Variants in MYH13 observed in about 807,000 individuals in gnomAD.
MYH13 encodes myosin-13.
A neutral mutation model predicts 232.1 loss-of-function variants in MYH13; 177 were observed. That is an observed-to-expected ratio of 0.76 (90% CI 0.67 to 0.86). The LOEUF (loss-of-function observed/expected upper bound fraction) is 0.86, where lower values mean the gene tolerates loss of function less well. MYH13 is among the 40% of genes least tolerant of loss of function. The pLI is 0.00. For missense variants in MYH13, 2,246 were observed against 2,405.9 expected (o/e 0.93, Z 1.39); for synonymous variants, 884 against 923.5 (o/e 0.96, Z 0.78).
chr17:10,318,903 C>G lies in MYH13; in HGVS notation c.3625G>C (p.Glu1209Gln), dbSNP rs773375344. 11 of 1,614,030 alleles carry G rather than the reference C, an allele frequency of 6.8e-6. No individual in the cohort carries two copies. In the Admixed American group the frequency reaches 1.5e-4, roughly 22 times the overall value. The change falls in exon 27 of 41, where the codon GAG becomes CAG. Residue 1209 changes from glutamate to glutamine, a missense_variant. Glu to Gln is a conservative substitution (Grantham distance 29). Coordinates refer to ENST00000252172, the MANE Select transcript of MYH13 (RefSeq NM_003802.3). ...KQADSVAELGEQIDNLQRVKQ... is the reference protein window; with the variant it reads ...KQADSVAELGQQIDNLQRVKQ... ...ACCCGCTGCAGGTTGTCAATCTGCT[C>G]CCCAAGCTCGGCCACACTATCTGCT...
chr17:10,319,983 A>G (rs928478163), intron 26 of MYH13, among the ~76,000 whole-genome samples, 170 bp downstream of exon 26: 4 of 152,174 alleles, frequency 2.6e-5, no homozygotes, highest in Admixed American at 2.6e-4. Context: ...TTTATGGGTT[A>G]TTCAGAACAT....
At chr17:10,322,690 G>A (rs553242371) in intron 23 of MYH13, among the ~76,000 whole-genome samples, 1 of 141,528 alleles carries the variant, frequency 7.1e-6, no homozygotes, top group Non-Finnish European at 1.5e-5. Flanking sequence ...CTGGAGTGCA[G>A]TGGCGCAGTC....
At position 10,319,063 on chromosome 17, in the gene MYH13, T is replaced by C. The variant is rs371581937; in HGVS notation, c.3465A>G (p.Glu1155=). Residue 1155 remains glutamate, a synonymous_variant, in exon 27 of 41, where the codon GAA becomes GAG. Coordinates refer to ENST00000252172, the MANE Select transcript of MYH13 (RefSeq NM_003802.3). ...RELEEISERL[E]EASGATSAQI... ...GGGCTGAAGTGGCCCCACTGGCTTC[T>C]TCCAGCCTCTCGCTGATCTCCTCCA... 1.2e-6 allele frequency: 2 copies of C among 1,614,186 alleles called. No individual in the cohort carries two copies. The highest frequency in any genetic ancestry group is 1.7e-6 in the Non-Finnish European group (2 of 1,180,030).
intron 2 of MYH13, among the ~76,000 whole-genome samples, chr17:10,367,328 C>A (rs1450558682): frequency 1.3e-5 from 2 of 152,080 alleles, no homozygotes; most frequent in South Asian, 4.1e-4. Context: ...CTGTCAAATT[C>A]ATTACATTAA....
rs1028029006 is a variant in MYH13 at position 10,310,952 on chromosome 17, G to A, written c.4656+151C>T. 2.0e-5 allele frequency: 18 copies of A among 884,428 alleles called. 1 individual carries two copies. Among genetic ancestry groups the A allele is most frequent in the South Asian group, 7.0e-5 (4 of 57,098 alleles). The allele number at this position is 884,428 out of a possible 1,614,324, so 54.8% of individuals were successfully genotyped here. On this transcript the variant is annotated intron_variant, in intron 33 of 40. Coordinates refer to ENST00000252172, the MANE Select transcript of MYH13 (RefSeq NM_003802.3). ...CGCCTAGGAGATAAAGTAGCAGCCC[G>A]TGGATGTTTCAGCCCCTGGGATGGC...
chr17:10,302,933 A>G (rs947523737), intron 39 of MYH13, among the ~76,000 whole-genome samples: 1 of 151,602 alleles, frequency 6.6e-6, no homozygotes, highest in Admixed American at 6.6e-5. Flanking sequence ...AGGGGGTGTC[A>G]AGTGAGTCAC....
chr17:10,353,363 AATT>A (rs920238415), intron 11 of MYH13, among the ~76,000 whole-genome samples: 2 of 152,188 alleles, frequency 1.3e-5, no homozygotes, highest in African/African-American at 4.8e-5. Flanking sequence ...GTGTTAAAAC[AATT>A]ATTATCAGCT....
rs534874454 is a variant in MYH13, at chr17:10,305,455, T to TA, written c.5466+1003dup. On this transcript the variant is annotated intron_variant, in intron 37 of 40. Transcript: ENST00000252172. Reference sequence around the variant, plus strand: ...GGCCTTGTTGTTTTTAGCACCTCCCTAAAAAAAATCCTTTCACATTTAATG... The same window carrying TA: ...GGCCTTGTTGTTTTTAGCACCTCCCTAAAAAAAAATCCTTTCACATTTAATG... 2.4e-4 allele frequency among the ~76,000 whole-genome samples: 36 copies of TA among 152,194 alleles called. No individual in the cohort carries two copies. The South Asian group carries it at 3.9e-3, about 17-fold the overall frequency.
Position 10,324,234 on chromosome 17 carries a change from G to A in MYH13, c.2722C>T (p.Arg908Trp), listed in dbSNP as rs751366719. The A allele has an allele frequency of 1.1e-5, 18 of 1,613,596 alleles. No individual in the cohort carries two copies. The highest frequency in any genetic ancestry group is 4.0e-5 in the African/African-American group (3 of 74,854). Residue 908 changes from arginine (R) to tryptophan (W), a missense_variant, in exon 23 of 41, where the codon CGG (arginine) becomes TGG (tryptophan). Transcript: ENST00000252172. ...ETENLMDAEE[R>W]CEGLIKSKIL... ...TTGCTTTTGATGAGTCCTTCACACCGTTCCTCAGCGTCCATCAGATTTTCT... is the reference window on the plus strand; with the variant it reads ...TTGCTTTTGATGAGTCCTTCACACCATTCCTCAGCGTCCATCAGATTTTCT...
chr17:10,311,929 C>G lies in MYH13; in HGVS notation c.4513G>C (p.Glu1505Gln), dbSNP rs1193785498. 1 of 1,613,952 alleles carries G rather than the reference C, an allele frequency of 6.2e-7. No homozygotes were observed. The highest frequency in any genetic ancestry group is 1.7e-5 in the Admixed American group (1 of 60,014). The stretch of plus-strand genomic sequence containing the variant: ...AGCTCACCTTGCAGATTTTTGTTCT[C>G]TCGCCTCAGTGTCTCTAACTGGTCC... ...VVDQLETLRR[E>Q]NKNLQEEISD... The change falls in exon 32 of 41, where the codon GAG becomes CAG. Residue 1505 changes from glutamate (E) to glutamine (Q), a missense_variant. Glu to Gln is a conservative substitution (Grantham distance 29). Coordinates refer to ENST00000252172, the MANE Select transcript of MYH13 (RefSeq NM_003802.3).
At chr17:10,370,664 A>C (rs1161872059) in intron 2 of MYH13, among the ~76,000 whole-genome samples, 1 of 152,204 alleles carries the variant, frequency 6.6e-6, no homozygotes, top group Admixed American at 6.5e-5. Context: ...GTGTCTTGTC[A>C]GCAATGATGT....
chr17:10,324,057 T>G lies in MYH13; in HGVS notation c.2899A>C (p.Lys967Gln). 3.1e-6 allele frequency: 5 copies of G among 1,614,026 alleles called. No homozygotes were observed. The highest frequency in any genetic ancestry group is 8.5e-7 in the Non-Finnish European group (1 of 1,179,958). The part of the protein sequence containing the change: ...DIDDLELTLT[K>Q]VEKEKHATEN... ...GTGGCATGCTTCTCCTTTTCAACTT[T>G]CGTCAAGGTCAGCTCCAGGTCATCA... Residue 967 changes from lysine to glutamine, a missense_variant, in exon 23 of 41, where the codon AAA becomes CAA. Coordinates refer to ENST00000252172, the MANE Select transcript of MYH13 (RefSeq NM_003802.3).
intron 18 of MYH13, among the ~76,000 whole-genome samples, chr17:10,337,189 G>A (rs1019604927): frequency 3.3e-5 from 5 of 152,176 alleles, no homozygotes; most frequent in African/African-American, 1.2e-4. Context: ...GGGATTACAG[G>A]CGTGAGCCAC....
At chr17:10,341,949 G>A (rs980106328) in intron 16 of MYH13, among the ~76,000 whole-genome samples, 2 of 152,034 alleles carry the variant, frequency 1.3e-5, no homozygotes, top group Non-Finnish European at 2.9e-5. Context: ...TTTATTAAAT[G>A]TATGCATTTA....
Position 10,340,217 on chromosome 17 carries a change from C to T in MYH13, c.1989G>A (p.Met663Ile), listed in dbSNP as rs1228479657. ...GAGGGTGGGTGCTCCTTAAGTTAGT[C>T]ATCAATTTGTTTAAATTTTCCTGGG... is the stretch of plus-strand genomic sequence containing the variant. ...AVFRENLNKL[M>I]TNLRSTHPHF... The change falls in exon 18 of 41, where the codon ATG (methionine) becomes ATA (isoleucine). Residue 663 changes from methionine (M) to isoleucine (I), a missense_variant. By Grantham distance (10) the Met-to-Ile change is conservative (BLOSUM62 1). Coordinates refer to ENST00000252172, the MANE Select transcript of MYH13 (RefSeq NM_003802.3). The T allele has an allele frequency of 1.3e-5, 21 of 1,613,996 alleles. No individual in the cohort carries two copies. The highest frequency in any genetic ancestry group is 1.6e-5 in the Non-Finnish European group (19 of 1,179,916).
chr17:10,328,233 A>G, intron 21 of MYH13, 112 bp from the exon 22 acceptor site: 3 of 1,273,278 alleles, frequency 2.4e-6, no homozygotes, highest in Non-Finnish European at 3.3e-6. Flanking sequence ...GGTGGGAAGG[A>G]GGTGCAGCCA....
In MYH13 at chr17:10,312,051, A is replaced by G. The variant is rs753814640; in HGVS notation, c.4391T>C (p.Leu1464Pro). 5 of 1,613,898 alleles carry G rather than the reference A, an allele frequency of 3.1e-6. No individual in the cohort carries two copies. In the East Asian group the frequency reaches 1.1e-4, roughly 36 times the overall value. The change falls in exon 32 of 41, where the codon CTG becomes CCG. Residue 1464 changes from leucine to proline, a missense_variant. Leu to Pro is a moderately conservative substitution (Grantham distance 98). Transcript: ENST00000252172. ...TTCCAACTCAGCCTGGCTTTCGTCC[A>G]GCTTTTGCTTCCACTCTGCAAGGAC... The part of the protein sequence containing the change: ...DKVLAEWKQK[L>P]DESQAELEAA...
chr17:10,336,776 A>C (rs931281238), intron 18 of MYH13, among the ~76,000 whole-genome samples: 2 of 152,074 alleles, frequency 1.3e-5, no homozygotes, highest in African/African-American at 4.8e-5. Flanking sequence ...TGGCCTGTTC[A>C]TGCTACCTCG....
At chr17:10,337,365 C>T (rs539481502) in intron 18 of MYH13, among the ~76,000 whole-genome samples, 15 of 152,220 alleles carry the variant, frequency 9.9e-5, no homozygotes, top group South Asian at 8.3e-4. Flanking sequence ...AAGAGGAGAA[C>T]GAGAGGAGTA....
Sources: gnomAD v4.1 joint callset for allele counts (sites outside exome capture counted in the v4.1 genomes callset) on GRCh38, gnomAD v4.1.1 for gene constraint, MANE v1.5 for transcripts, NCBI Gene and HGNC (gene_info 2026-07-23, HGNC 2026-07-21) for gene names.